PCSK5: variants seen among roughly 807,000 people sequenced by gnomAD.
PCSK5 encodes proprotein convertase subtilisin/kexin type 5, also known as prohormone convertase 5.
A neutral mutation model predicts 233.2 loss-of-function variants in PCSK5; 129 were observed. The ratio of observed to expected loss-of-function variants is 0.55; its 90% CI spans 0.48 to 0.64. The LOEUF (loss-of-function observed/expected upper bound fraction) is 0.64. Among genes scored for constraint, PCSK5 ranks in the 30% least tolerant of loss-of-function variants. The probability of loss-of-function intolerance (pLI) is 0.00; values close to 1 mark genes in which losing one functional copy is unlikely to be tolerated. For missense variants in PCSK5, 2,076 were observed against 2,430.1 expected (o/e 0.85, Z 3.06); for synonymous variants, 825 against 879.2 (o/e 0.94, Z 1.09).
At chr9:76,355,360 C>T (rs1217910842) in intron 37 of PCSK5, among the ~76,000 whole-genome samples, 3 of 152,112 alleles carry the variant, frequency 2.0e-5, no homozygotes, top group African/African-American at 7.2e-5. Context: ...GTAGTCCCAG[C>T]TACTCAGGAG....
At chr9:76,082,228 A>C (rs913087340) in intron 7 of PCSK5, among the ~76,000 whole-genome samples, 3 of 152,176 alleles carry the variant, frequency 2.0e-5, no homozygotes, top group Admixed American at 1.3e-4. Context: ...TTCATTTACC[A>C]TGGTGAGCCT....
chr9:75,896,934 C>G (rs900777163), intron 1 of PCSK5, among the ~76,000 whole-genome samples: 2 of 152,158 alleles, frequency 1.3e-5, no homozygotes, highest in Non-Finnish European at 2.9e-5. Context: ...TACCAATAAA[C>G]TCTCCAATTT....
chr9:75,897,804 A>C (rs1363011707), intron 1 of PCSK5, among the ~76,000 whole-genome samples: 1 of 152,144 alleles, frequency 6.6e-6, no homozygotes. Context: ...TTCTATTTAA[A>C]GTATCAAAAC....
chr9:76,301,654 C>A (rs887073063), intron 27 of PCSK5, among the ~76,000 whole-genome samples: 2 of 152,138 alleles, frequency 1.3e-5, no homozygotes, highest in Non-Finnish European at 2.9e-5. Context: ...ACCAACCTGG[C>A]CAACACGGTG....
chr9:76,353,284 G>C (rs919479428), intron 36 of PCSK5, among the ~76,000 whole-genome samples: 1 of 152,166 alleles, frequency 6.6e-6, no homozygotes, highest in African/African-American at 2.4e-5. Context: ...GGAGCAACTT[G>C]TCGGGAGGGA....
At chr9:76,249,313 T>C (rs1826724036) in intron 24 of PCSK5, among the ~76,000 whole-genome samples, 1 of 152,076 alleles carries the variant, frequency 6.6e-6, no homozygotes, top group African/African-American at 2.4e-5. Flanking sequence ...AAATCGTATT[T>C]AGCCTCAAGA....
At chr9:75,948,049 G>A (rs555220569) in intron 2 of PCSK5, among the ~76,000 whole-genome samples, 1 of 151,992 alleles carries the variant, frequency 6.6e-6, no homozygotes, top group South Asian at 2.1e-4. Flanking sequence ...GTCTCACTAG[G>A]TTGGCTAGGC....
chr9:75,894,751 C>T (rs905114127), intron 1 of PCSK5, among the ~76,000 whole-genome samples: 13 of 152,042 alleles, frequency 8.6e-5, no homozygotes, highest in African/African-American at 2.9e-4. Flanking sequence ...GGTGTGCATG[C>T]CTATTGACCT....
chr9:75,986,636 G>A (rs1826527131), intron 3 of PCSK5, among the ~76,000 whole-genome samples: 1 of 152,154 alleles, frequency 6.6e-6, no homozygotes, highest in Non-Finnish European at 1.5e-5. Context: ...ATGCACACTG[G>A]TTCTTGAACA....
At chr9:76,177,560 T>C (rs1823669737) in intron 14 of PCSK5, among the ~76,000 whole-genome samples, 1 of 152,212 alleles carries the variant, frequency 6.6e-6, no homozygotes, top group African/African-American at 2.4e-5. Flanking sequence ...TTGTGATGTT[T>C]TGCTTTGAGC....
At chr9:76,134,359 G>T in intron 10 of PCSK5, 147 bp downstream of exon 10, 1 of 559,734 alleles carries the variant, frequency 1.8e-6, no homozygotes, top group East Asian at 3.1e-5. Context: ...TAAATAAAAG[G>T]CAGGTTGATT....
chr9:75,933,905 C>T (rs1354554102), intron 2 of PCSK5, among the ~76,000 whole-genome samples: 1 of 152,124 alleles, frequency 6.6e-6, no homozygotes, highest in African/African-American at 2.4e-5. Context: ...AATTTCAGAC[C>T]TCATGTACAA....
intron 21 of PCSK5, among the ~76,000 whole-genome samples, chr9:76,230,539 C>G (rs1587784236): frequency 6.6e-6 from 1 of 152,208 alleles, no homozygotes; most frequent in Non-Finnish European, 1.5e-5. Flanking sequence ...GGTCCCCAAA[C>G]TCCAGGCCAT....
intron 7 of PCSK5, among the ~76,000 whole-genome samples, chr9:76,075,198 C>T (rs1387125908): frequency 6.6e-6 from 1 of 151,768 alleles, no homozygotes; most frequent in African/African-American, 2.4e-5. Context: ...CCAGCCTGGG[C>T]AACAGAGTAA....
intron 28 of PCSK5, among the ~76,000 whole-genome samples, 170 bp from the exon 29 acceptor site, chr9:76,308,475 G>A (rs1828770967): frequency 6.6e-6 from 1 of 152,144 alleles, no homozygotes. Flanking sequence ...AATAAATGAA[G>A]TCTACACAAT....
At chr9:76,238,370 C>T (rs536955654) in intron 22 of PCSK5, among the ~76,000 whole-genome samples, 1 of 152,282 alleles carries the variant, frequency 6.6e-6, no homozygotes, top group Non-Finnish European at 1.5e-5. Context: ...AGTCAGGAAC[C>T]CTCAGGAATG....
chr9:76,356,753 G>C (rs28607333), intron 37 of PCSK5, among the ~76,000 whole-genome samples: 12,228 of 152,204 alleles, frequency 0.08, 1,591 homozygotes, highest in African/African-American at 0.28. Context: ...TAGTCATGAT[G>C]TATCAGATCT....
At chr9:76,173,828 G>A (rs1165523975) in intron 13 of PCSK5, among the ~76,000 whole-genome samples, 1 of 152,000 alleles carries the variant, frequency 6.6e-6, no homozygotes, top group Non-Finnish European at 1.5e-5. Flanking sequence ...ACAAAAATTA[G>A]CTGAGTGTGG....
At chr9:75,968,292 C>T (rs1825679891) in intron 2 of PCSK5, among the ~76,000 whole-genome samples, 1 of 152,176 alleles carries the variant, frequency 6.6e-6, no homozygotes, top group Non-Finnish European at 1.5e-5. Context: ...CTAGTTCAAC[C>T]GACGCAAGGT....
Sources: allele counts gnomAD v4.1 joint callset (sites outside exome capture counted in the v4.1 genomes callset), GRCh38; gene constraint gnomAD v4.1.1; transcripts MANE v1.5; gene names NCBI Gene and HGNC (gene_info 2026-07-23, HGNC 2026-07-21).